ADGRV1: variants seen among roughly 807,000 people sequenced by gnomAD.
ADGRV1 encodes adhesion G protein-coupled receptor V1.
Under a neutral mutation model 596.2 loss-of-function variants are expected in ADGRV1, and 359 were observed. The ratio of observed to expected loss-of-function variants is 0.60; its 90% CI spans 0.55 to 0.66. ADGRV1 has a LOEUF of 0.66. Ranked by LOEUF, ADGRV1 falls within the 30% of genes least tolerant of loss-of-function variation. ADGRV1 has a pLI of 0.00. For missense variants in ADGRV1, 7,274 were observed against 7,575.6 expected (o/e 0.96, Z 1.48); for synonymous variants, 2,681 against 2,679.2 (o/e 1.00, Z -0.02).
intron 83 of ADGRV1, among the ~76,000 whole-genome samples, chr5:90,910,597 ATC>A: frequency 1.4e-5 from 2 of 145,732 alleles, no homozygotes; most frequent in African/African-American, 2.5e-5. Flanking sequence ...CTATCTATCT[ATC>A]TATACACCCG....
At chr5:90,587,555 C>CTTT (rs35819836) in intron 1 of ADGRV1, among the ~76,000 whole-genome samples, 3 of 138,516 alleles carry the variant, frequency 2.2e-5, no homozygotes, top group Non-Finnish European at 4.7e-5. Context: ...TTTTCTGTGT[C>CTTT]TTTTTTTTTT....
At chr5:90,995,561 AT>A (rs1272285326) in intron 85 of ADGRV1, among the ~76,000 whole-genome samples, 2 of 152,204 alleles carry the variant, frequency 1.3e-5, no homozygotes, top group African/African-American at 4.8e-5. Flanking sequence ...ATGGACTAAT[AT>A]AGAAAATTGG....
At chr5:91,088,635 C>A (rs1286115009) in intron 86 of ADGRV1, among the ~76,000 whole-genome samples, 1 of 152,064 alleles carries the variant, frequency 6.6e-6, no homozygotes, top group Non-Finnish European at 1.5e-5. Flanking sequence ...GATGCTTCTA[C>A]TCTTAAAAAG....
intron 13 of ADGRV1, among the ~76,000 whole-genome samples, 182 bp downstream of exon 13, chr5:90,643,223 T>C (rs1374250802): frequency 6.6e-6 from 1 of 152,172 alleles, no homozygotes; most frequent in East Asian, 1.9e-4. Flanking sequence ...CTCATTCATA[T>C]TAGAATGGTG....
chr5:90,702,910 T>A (rs1748089447), intron 34 of ADGRV1, among the ~76,000 whole-genome samples: 1 of 152,038 alleles, frequency 6.6e-6, no homozygotes, highest in South Asian at 2.1e-4. Context: ...CATATAAAGC[T>A]AGTGAATTGA....
In ADGRV1 at chr5:90,668,201, C is replaced by G. The variant is rs1324476337; in HGVS notation, c.4753-4345C>G. Among the ~76,000 whole-genome samples the G allele has an allele frequency of 2.0e-5, 3 of 151,872 alleles. No homozygotes were observed. The East Asian group carries it at 5.8e-4, about 30-fold the overall frequency. Reference sequence around the variant, plus strand: ...AGCCTGGGCAATGGCGGGCGCCCCTCCCCCAGCCTCGCTGCCGCCTTGCAG... The same window carrying G: ...AGCCTGGGCAATGGCGGGCGCCCCTGCCCCAGCCTCGCTGCCGCCTTGCAG... On this transcript the variant is annotated intron_variant, in intron 21 of 89. Coordinates refer to ENST00000405460, the MANE Select transcript of ADGRV1 (RefSeq NM_032119.4).
chr5:90,943,374 G>A (rs965553118), intron 83 of ADGRV1, among the ~76,000 whole-genome samples: 1 of 152,000 alleles, frequency 6.6e-6, no homozygotes, highest in Non-Finnish European at 1.5e-5. Context: ...TATGACCTTG[G>A]ACAGATCACA....
chr5:90,644,016 G>A, intron 14 of ADGRV1, 33 bp downstream of exon 14: 2 of 1,316,876 alleles, frequency 1.5e-6, no homozygotes, highest in East Asian at 2.5e-5. Flanking sequence ...TTGTATTTCT[G>A]TTTACTGAAG....
Position 90,683,569 on chromosome 5 carries a change from T to C in ADGRV1, c.5665-17T>C, listed in dbSNP as rs1278769480. 6.5e-7 allele frequency: 1 copy of C among 1,540,964 alleles called. No homozygotes were observed. The highest frequency in any genetic ancestry group is 8.8e-7 in the Non-Finnish European group (1 of 1,136,802). The stretch of plus-strand genomic sequence containing the variant: ...TAATCTCTCTTTTAATAGATTTTAA[T>C]ATTAAGTATTTTGTAGGTTATAAGA... On this transcript the variant is annotated splice_polypyrimidine_tract_variant and intron_variant, in intron 27 of 89. Coordinates refer to ENST00000405460, the MANE Select transcript of ADGRV1 (RefSeq NM_032119.4).
At chr5:90,929,884 T>C (rs1581551389) in intron 83 of ADGRV1, among the ~76,000 whole-genome samples, 1 of 152,346 alleles carries the variant, frequency 6.6e-6, no homozygotes, top group South Asian at 2.1e-4. Context: ...TAAATGACTG[T>C]ATCCTACAGA....
At chr5:90,909,101 GC>G (rs1772600101) in intron 83 of ADGRV1, among the ~76,000 whole-genome samples, 1 of 152,084 alleles carries the variant, frequency 6.6e-6, no homozygotes, top group African/African-American at 2.4e-5. Context: ...AGTGTTCTTT[GC>G]CTGCTGCGTT....
At chr5:90,969,213 A>G (rs1291695552) in intron 84 of ADGRV1, among the ~76,000 whole-genome samples, 9 of 152,242 alleles carry the variant, frequency 5.9e-5, no homozygotes, top group Admixed American at 5.2e-4. Context: ...GAATTAATGT[A>G]TAGAATGAAC....
Position 90,680,938 on chromosome 5 carries a change from T to C in ADGRV1, c.5525-377T>C, listed in dbSNP as rs7710077. Among the ~76,000 whole-genome samples the C allele has an allele frequency of 7.5e-3, 1,142 of 152,304 alleles. 14 individuals carry two copies. Among genetic ancestry groups the C allele is most frequent in the African/African-American group, 0.026 (1,079 of 41,560 alleles). On this transcript the variant is annotated intron_variant, in intron 26 of 89. Transcript: ENST00000405460. The stretch of plus-strand genomic sequence containing the variant: ...TTCCGCCAGAATGGGAAACTACTTA[T>C]TATTTCATGAAGGTAAGAGTCATTT...
rs1763559023 is a variant in ADGRV1, at chr5:90,617,815, G to A, written c.219G>A (p.Glu73=). 21 of 1,595,434 alleles carry A rather than the reference G, an allele frequency of 1.3e-5. No individual in the cohort carries two copies. The highest frequency in any genetic ancestry group is 1.7e-5 in the Non-Finnish European group (20 of 1,169,988). Residue 73 remains glutamate (E), a synonymous_variant, in exon 3 of 90, where the codon GAG becomes GAA. Coordinates refer to ENST00000405460, the MANE Select transcript of ADGRV1 (RefSeq NM_032119.4). ...NVTAIVSLYG[E]DAGDFFDTYA... ...TTTGCATTTGATAGCTGTATGGAGAGGACGCTGGTGACTTTTTTGACACAT... is the reference window on the plus strand; with the variant it reads ...TTTGCATTTGATAGCTGTATGGAGAAGACGCTGGTGACTTTTTTGACACAT...
intron 77 of ADGRV1, among the ~76,000 whole-genome samples, chr5:90,839,181 C>T (rs1311583012): frequency 1.3e-5 from 2 of 151,984 alleles, no homozygotes; most frequent in Non-Finnish European, 2.9e-5. Context: ...TGATCTGACT[C>T]CTATCTACCT....
intron 87 of ADGRV1, among the ~76,000 whole-genome samples, chr5:91,130,094 T>C (rs1173557633): frequency 6.6e-6 from 1 of 151,892 alleles, no homozygotes. Context: ...TTAGTGACTG[T>C]AAAACAAAAT....
At chr5:90,979,888 T>G (rs1469614505) in intron 84 of ADGRV1, among the ~76,000 whole-genome samples, 1 of 152,228 alleles carries the variant, frequency 6.6e-6, no homozygotes, top group Non-Finnish European at 1.5e-5. Context: ...AATAATCATG[T>G]CCTTTTGAAT....
intron 85 of ADGRV1, among the ~76,000 whole-genome samples, chr5:91,022,404 G>A (rs1581814250): frequency 6.6e-6 from 1 of 151,968 alleles, no homozygotes; most frequent in South Asian, 2.1e-4. Context: ...ATCAGGGAGA[G>A]TTTAGTATGA....
chr5:90,633,115 C>T (rs1384291921), intron 9 of ADGRV1, among the ~76,000 whole-genome samples: 2 of 152,084 alleles, frequency 1.3e-5, no homozygotes, highest in Non-Finnish European at 2.9e-5. Flanking sequence ...AATGTGCTGT[C>T]CCAGTGGCAA....
Sources: allele counts gnomAD v4.1 joint callset (sites outside exome capture counted in the v4.1 genomes callset), GRCh38; gene constraint gnomAD v4.1.1; transcripts MANE v1.5; gene names NCBI Gene and HGNC (gene_info 2026-07-23, HGNC 2026-07-21).